Variants in PDCD10 observed in about 807,000 individuals in gnomAD.
PDCD10 encodes programmed cell death protein 10.
PDCD10 carries 4 observed loss-of-function variants against 29.2 expected under a neutral mutation model. The ratio of observed to expected loss-of-function variants is 0.14; its 90% confidence interval spans 0.07 to 0.31. The LOEUF is 0.31. Among genes scored for constraint, PDCD10 ranks in the 10% least tolerant of loss-of-function variants. The pLI is 1.00. For synonymous variants in PDCD10, 70 were observed against 82.2 expected (o/e 0.85, Z 0.80); for missense variants, 183 against 257.9 (o/e 0.71, Z 1.99).
intron 3 of PDCD10, among the ~76,000 whole-genome samples, chr3:167,713,163 G>C (rs1239635230): frequency 6.6e-6 from 1 of 151,966 alleles, no homozygotes; most frequent in African/African-American, 2.4e-5. Context: ...CCAGCACATG[G>C]ATCATTCTCA....
chr3:167,698,460 CAGG>C (rs1721033919), intron 4 of PDCD10, among the ~76,000 whole-genome samples: 1 of 152,054 alleles, frequency 6.6e-6, no homozygotes, highest in Admixed American at 6.6e-5. Flanking sequence ...TGCTTGAGCC[CAGG>C]AGTTCGTGGC....
chr3:167,724,453 G>A (rs1250184570), intron 2 of PDCD10, among the ~76,000 whole-genome samples: 1 of 152,174 alleles, frequency 6.6e-6, no homozygotes, highest in Non-Finnish European at 1.5e-5. Context: ...TGAACATTCA[G>A]TTAAGAGAAG....
intron 2 of PDCD10, among the ~76,000 whole-genome samples, chr3:167,733,203 T>C (rs988647089): frequency 1.1e-4 from 17 of 152,202 alleles, no homozygotes; most frequent in African/African-American, 3.9e-4. Context: ...CAGTAAGCTA[T>C]GATTTATTAC....
intron 2 of PDCD10, among the ~76,000 whole-genome samples, chr3:167,724,700 T>G (rs762744607): frequency 6.6e-6 from 1 of 152,184 alleles, no homozygotes; most frequent in Non-Finnish European, 1.5e-5. Flanking sequence ...AAAATCAAAT[T>G]AATTCTATTA....
chr3:167,697,600 G>A (rs1720944099), intron 4 of PDCD10, among the ~76,000 whole-genome samples: 5 of 151,950 alleles, frequency 3.3e-5, no homozygotes, highest in Admixed American at 2.6e-4. Flanking sequence ...AACAAAAAAG[G>A]ATTTATTTTG....
intron 3 of PDCD10, among the ~76,000 whole-genome samples, chr3:167,712,118 T>A (rs1211739357): frequency 6.6e-6 from 1 of 152,124 alleles, no homozygotes; most frequent in South Asian, 2.1e-4. Flanking sequence ...CAGAATATTA[T>A]AATACTGTAA....
intron 2 of PDCD10, among the ~76,000 whole-genome samples, chr3:167,733,153 C>T (rs1397570346): frequency 4.6e-5 from 7 of 152,112 alleles, no homozygotes; most frequent in Non-Finnish European, 1.0e-4. Flanking sequence ...AGAGTACATT[C>T]AAAATTCAGC....
intron 3 of PDCD10, among the ~76,000 whole-genome samples, chr3:167,705,771 T>C (rs1227333359): frequency 1.3e-5 from 2 of 152,132 alleles, no homozygotes; most frequent in Non-Finnish European, 2.9e-5. Flanking sequence ...TAAACAAATG[T>C]AGAAAGAAAT....
intron 8 of PDCD10, among the ~76,000 whole-genome samples, chr3:167,685,942 C>T (rs1342993647): frequency 2.0e-5 from 3 of 152,118 alleles, no homozygotes; most frequent in Non-Finnish European, 2.9e-5. Context: ...AATGTAAATA[C>T]TTCAACCTGT....
intron 6 of PDCD10, 65 bp downstream of exon 6, chr3:167,695,531 T>A: frequency 6.9e-7 from 1 of 1,443,384 alleles, no homozygotes; most frequent in Non-Finnish European, 9.7e-7. Context: ...AATTAAAAAA[T>A]GTAGATGAGT....
intron 6 of PDCD10, among the ~76,000 whole-genome samples, chr3:167,691,019 T>G (rs1234177438): frequency 6.6e-6 from 1 of 152,226 alleles, no homozygotes; most frequent in Non-Finnish European, 1.5e-5. Context: ...TGGTGTAATA[T>G]GTATATGACA....
Position 167,723,488 on chromosome 3 carries a change from C to A in PDCD10, c.-116-3215G>T, listed in dbSNP as rs1294485910. ...AACTGAAGATCACTGACTACAAATC[C>A]CACATCTGAAATGGCCTTAAAAAGT... On this transcript the variant is annotated intron_variant, in intron 2 of 8. Coordinates refer to ENST00000392750, the MANE Select transcript of PDCD10 (RefSeq NM_007217.4). Among the ~76,000 whole-genome samples the A allele has an allele frequency of 2.6e-5, 4 of 152,152 alleles. No homozygotes were observed. In the East Asian group the frequency reaches 7.7e-4, roughly 29 times the overall value.
At chr3:167,695,820 G>A in intron 5 of PDCD10, 98 bp from the exon 6 acceptor site, 1 of 1,178,522 alleles carries the variant, frequency 8.5e-7, no homozygotes, top group South Asian at 1.2e-5. Context: ...AGGTGAGGGA[G>A]GTGAAAGGCC....
At chr3:167,716,688 A>T (rs1723052850) in intron 3 of PDCD10, among the ~76,000 whole-genome samples, 1 of 152,008 alleles carries the variant, frequency 6.6e-6, no homozygotes, top group African/African-American at 2.4e-5. Context: ...ATCTGCTAAT[A>T]ATTCGCAGAA....
intron 4 of PDCD10, among the ~76,000 whole-genome samples, chr3:167,698,234 C>T (rs778953354): frequency 4.6e-5 from 7 of 152,130 alleles, no homozygotes; most frequent in Admixed American, 6.5e-5. Flanking sequence ...TTCCAATCTT[C>T]GGATCATTTT....
chr3:167,685,170 G>A (rs866020192), intron 8 of PDCD10, among the ~76,000 whole-genome samples: 1 of 152,012 alleles, frequency 6.6e-6, no homozygotes, highest in East Asian at 1.9e-4. Flanking sequence ...CCAGCACTTT[G>A]GGAGGCCAAG....
rs377057745 is a variant in PDCD10, at chr3:167,725,700, G to C, written c.-116-5427C>G. The stretch of plus-strand genomic sequence containing the variant: ...TAGTACTTACAGAATTTTACACTTA[G>C]GGACATCTAGAAGCAATCTCTTGTT... On this transcript the variant is annotated intron_variant, in intron 2 of 8. Transcript: ENST00000392750. 7.1e-4 allele frequency among the ~76,000 whole-genome samples: 104 copies of C among 145,884 alleles called. 1 individual carries two copies. Among genetic ancestry groups the C allele is most frequent in the African/African-American group, 2.3e-3 (93 of 39,812 alleles).
chr3:167,725,693 A>G (rs1446389621), intron 2 of PDCD10, among the ~76,000 whole-genome samples: 1 of 148,360 alleles, frequency 6.7e-6, no homozygotes, highest in African/African-American at 2.5e-5. Flanking sequence ...ACAGAATTTT[A>G]CACTTAGGGA....
chr3:167,711,764 A>T (rs1012564480), intron 3 of PDCD10, among the ~76,000 whole-genome samples: 1 of 152,174 alleles, frequency 6.6e-6, no homozygotes, highest in Non-Finnish European at 1.5e-5. Context: ...TCCTAAAAGC[A>T]GCAAGAGAAA....
Sources: allele counts gnomAD v4.1 joint callset (sites outside exome capture counted in the v4.1 genomes callset), GRCh38; gene constraint gnomAD v4.1.1; transcripts MANE v1.5; gene names NCBI Gene and HGNC (gene_info 2026-07-23, HGNC 2026-07-21).